Variants in PTPRM observed in about 807,000 individuals in gnomAD.
The protein encoded by PTPRM is protein tyrosine phosphatase receptor type M.
Under a neutral mutation model 186.7 loss-of-function variants are expected in PTPRM, and 47 were observed. The observed-to-expected ratio is 0.25, with a 90% CI of 0.20 to 0.32. PTPRM has a LOEUF of 0.32. PTPRM is among the 10% of genes least tolerant of loss of function. The probability of loss-of-function intolerance (pLI) is 1.00; values close to 1 mark genes in which losing one functional copy is unlikely to be tolerated. For missense variants in PTPRM, 1,494 were observed against 1,865.0 expected (o/e 0.80, Z 3.66); for synonymous variants, 668 against 674.9 (o/e 0.99, Z 0.16).
At chr18:8,199,428 C>G (rs913191402) in intron 14 of PTPRM, among the ~76,000 whole-genome samples, 1 of 152,116 alleles carries the variant, frequency 6.6e-6, no homozygotes, top group African/African-American at 2.4e-5. Context: ...AATAACATTG[C>G]AAAAGGATAG....
intron 2 of PTPRM, among the ~76,000 whole-genome samples, chr18:7,789,710 C>G (rs1568133032): frequency 6.6e-6 from 1 of 152,184 alleles, no homozygotes; most frequent in Non-Finnish European, 1.5e-5. Flanking sequence ...GAATACATAT[C>G]ATTCTCCTTT....
At position 8,113,723 on chromosome 18, in the gene PTPRM, C is replaced by T; in HGVS notation, c.2094C>T (p.Tyr698=). 6.2e-7 allele frequency: 1 copy of T among 1,613,684 alleles called. No individual in the cohort carries two copies. The highest frequency in any genetic ancestry group is 8.5e-7 in the Non-Finnish European group (1 of 1,179,662). Reference sequence around the variant, plus strand: ...CTCCCCTTCTCCCCTATAAAAGCTACAGAATTTATTTCCAAGCTGCTAGTA... The same window carrying T: ...CTCCCCTTCTCCCCTATAAAAGCTATAGAATTTATTTCCAAGCTGCTAGTA... ...WNTPLLPYKS[Y]RIYFQAASRA... The change falls in exon 12 of 33, where the codon TAC becomes TAT. Residue 698 remains tyrosine (Y), a synonymous_variant. Transcript: ENST00000580170.
chr18:8,164,373 G>A (rs1320506717), intron 14 of PTPRM, among the ~76,000 whole-genome samples: 2 of 152,154 alleles, frequency 1.3e-5, no homozygotes, highest in African/African-American at 4.8e-5. Context: ...AATGAAAACA[G>A]GGACTCAAAC....
chr18:7,611,724 A>C (rs994844056), intron 1 of PTPRM, among the ~76,000 whole-genome samples: 5 of 152,226 alleles, frequency 3.3e-5, no homozygotes, highest in African/African-American at 1.2e-4. Context: ...AATAAGTCTC[A>C]TGAGACCTAA....
chr18:8,003,132 T>C (rs766908950), intron 7 of PTPRM, among the ~76,000 whole-genome samples: 1 of 152,218 alleles, frequency 6.6e-6, no homozygotes, highest in Non-Finnish European at 1.5e-5. Flanking sequence ...CCTTGACTTG[T>C]AATAATCCCC....
At chr18:7,913,388 A>G (rs564602702) in intron 4 of PTPRM, among the ~76,000 whole-genome samples, 58 of 152,336 alleles carry the variant, frequency 3.8e-4, no homozygotes, top group African/African-American at 1.4e-3. Context: ...TAGAAGCAAA[A>G]AGAACAGAAC....
intron 2 of PTPRM, among the ~76,000 whole-genome samples, chr18:7,843,295 A>G (rs534020162): frequency 6.6e-6 from 1 of 152,262 alleles, no homozygotes; most frequent in African/African-American, 2.4e-5. Context: ...GTCTCTCCTG[A>G]GAGTCTCCAT....
At chr18:7,808,725 A>T (rs934456389) in intron 2 of PTPRM, among the ~76,000 whole-genome samples, 2 of 152,210 alleles carry the variant, frequency 1.3e-5, no homozygotes, top group African/African-American at 2.4e-5. Flanking sequence ...AAAGTTTTTG[A>T]TGGGTTGGAT....
intron 14 of PTPRM, among the ~76,000 whole-genome samples, chr18:8,190,208 A>G (rs1461257836): frequency 6.6e-6 from 1 of 152,156 alleles, no homozygotes; most frequent in Non-Finnish European, 1.5e-5. Context: ...TGTACAGTAA[A>G]TCTCTTGAAA....
chr18:7,623,119 A>G (rs1037705023), intron 1 of PTPRM, among the ~76,000 whole-genome samples: 4 of 152,118 alleles, frequency 2.6e-5, no homozygotes, highest in African/African-American at 9.7e-5. Context: ...TGGAAATTAT[A>G]ATTTTTCTAT....
intron 1 of PTPRM, among the ~76,000 whole-genome samples, chr18:7,760,129 C>T (rs76036705): frequency 0.027 from 4,042 of 152,208 alleles, 160 homozygotes; most frequent in African/African-American, 0.089. Flanking sequence ...CTTCTGCTGC[C>T]GCTTCTCTTT....
chr18:7,933,724 G>C (rs1270169631), intron 5 of PTPRM, among the ~76,000 whole-genome samples: 1 of 152,206 alleles, frequency 6.6e-6, no homozygotes, highest in Non-Finnish European at 1.5e-5. Flanking sequence ...GTTAGAGCAG[G>C]AAAACAAGCA....
chr18:7,918,896 GTTTTC>G (rs1247433316), intron 4 of PTPRM, among the ~76,000 whole-genome samples: 1 of 152,086 alleles, frequency 6.6e-6, no homozygotes, highest in East Asian at 1.9e-4. Context: ...TTTCACCAGT[GTTTTC>G]TTTTAGTAGT....
chr18:7,786,570 A>G (rs1191033575), intron 2 of PTPRM, among the ~76,000 whole-genome samples: 16 of 152,236 alleles, frequency 1.1e-4, no homozygotes. Context: ...GTGCTTTTCA[A>G]AGTAAGTATA....
intron 1 of PTPRM, among the ~76,000 whole-genome samples, chr18:7,694,872 T>C (rs1445023423): frequency 6.6e-6 from 1 of 152,096 alleles, no homozygotes. Context: ...TAAATTGAAG[T>C]TAAAAAAAAG....
intron 2 of PTPRM, among the ~76,000 whole-genome samples, chr18:7,884,208 A>G (rs2048650139): frequency 6.6e-6 from 1 of 152,142 alleles, no homozygotes; most frequent in Non-Finnish European, 1.5e-5. Context: ...AGCTAAAGTC[A>G]TCATAATGAA....
At chr18:8,028,067 A>G (rs948676398) in intron 7 of PTPRM, among the ~76,000 whole-genome samples, 1 of 152,120 alleles carries the variant, frequency 6.6e-6, no homozygotes, top group African/African-American at 2.4e-5. Flanking sequence ...AATGATAACA[A>G]TCTGGGTTCA....
intron 22 of PTPRM, among the ~76,000 whole-genome samples, chr18:8,326,076 A>T (rs1446217119): frequency 1.3e-5 from 2 of 152,080 alleles, no homozygotes; most frequent in Admixed American, 1.3e-4. Flanking sequence ...TGGATATTAG[A>T]CCTTTGTTGG....
At chr18:8,269,023 C>T (rs1159412551) in intron 19 of PTPRM, among the ~76,000 whole-genome samples, 1 of 152,008 alleles carries the variant, frequency 6.6e-6, no homozygotes, top group Admixed American at 6.6e-5. Flanking sequence ...TGCCCACTCT[C>T]ACCAGTTCTG....
Sources: gnomAD v4.1 joint callset for allele counts (sites outside exome capture counted in the v4.1 genomes callset) on GRCh38, gnomAD v4.1.1 for gene constraint, MANE v1.5 for transcripts, NCBI Gene and HGNC (gene_info 2026-07-23, HGNC 2026-07-21) for gene names.